FYCO1: variants seen among roughly 807,000 people sequenced by gnomAD.
FYCO1 encodes FYVE and coiled-coil domain-containing protein 1.
A neutral mutation model predicts 165.1 loss-of-function variants in FYCO1; 122 were observed. The ratio of observed to expected loss-of-function variants is 0.74; its 90% confidence interval spans 0.64 to 0.86. FYCO1 has a LOEUF of 0.86. Ranked by LOEUF, FYCO1 falls within the 40% of genes least tolerant of loss-of-function variation. The probability of loss-of-function intolerance (pLI) is 0.00; values close to 1 mark genes in which losing one functional copy is unlikely to be tolerated. For synonymous variants in FYCO1, 648 were observed against 742.5 expected (o/e 0.87, Z 2.07); for missense variants, 1,702 against 1,810.3 (o/e 0.94, Z 1.09).
At chr3:45,971,401 T>C (rs1305205742) in intron 6 of FYCO1, among the ~76,000 whole-genome samples, 2 of 152,134 alleles carry the variant, frequency 1.3e-5, no homozygotes, top group Non-Finnish European at 2.9e-5. Context: ...AAAAGGATAA[T>C]AATGTAATTT....
Position 45,985,017 on chromosome 3 carries a change from T to C in FYCO1, c.-107A>G. 9.8e-7 allele frequency: 1 copy of C among 1,024,976 alleles called. No homozygotes were observed. Among genetic ancestry groups the C allele is most frequent in the Non-Finnish European group, 1.6e-6 (1 of 643,808 alleles). 63.5% of individuals were successfully genotyped at this position (1,024,976 alleles called of 1,614,324 possible). Reference sequence around the variant, plus strand: ...GCTCAGCAGTGGTCAGACTCCATGGTGGCACCTGCACAGAGGAAGGGGAGG... The same window carrying C: ...GCTCAGCAGTGGTCAGACTCCATGGCGGCACCTGCACAGAGGAAGGGGAGG... On this transcript the variant is annotated 5_prime_UTR_variant, in exon 2 of 18. Transcript: ENST00000296137.
intron 1 of FYCO1, among the ~76,000 whole-genome samples, chr3:45,987,962 G>C (rs1707384524): frequency 6.6e-6 from 1 of 152,226 alleles, no homozygotes; most frequent in Non-Finnish European, 1.5e-5. Context: ...CACTGCCCTT[G>C]TGTGAGCCCA....
intron 4 of FYCO1, among the ~76,000 whole-genome samples, chr3:45,976,365 C>T (rs534015382): frequency 4.9e-4 from 75 of 152,280 alleles, no homozygotes; most frequent in Admixed American, 2.3e-3. Context: ...CATATAATGG[C>T]CAAGGCGGAT....
At chr3:45,979,675 A>G (rs1483042745) in intron 4 of FYCO1, 30 bp downstream of exon 4, 3 of 1,612,916 alleles carry the variant, frequency 1.9e-6, no homozygotes, top group East Asian at 2.2e-5. Flanking sequence ...AAAGGACGAC[A>G]TGAAGTTGTT....
chr3:45,965,233 C>T, intron 8 of FYCO1, 108 bp from the exon 9 acceptor site: 1 of 802,492 alleles, frequency 1.2e-6, no homozygotes, highest in South Asian at 1.5e-5. Flanking sequence ...TCTCTTTTTC[C>T]CTGCAAACTG....
chr3:45,975,308 C>T lies in FYCO1; in HGVS notation c.326G>A (p.Arg109His), dbSNP rs761031320. The stretch of plus-strand genomic sequence containing the variant: ...CAACCTCTGGTGCACCAAGGAGTAG[C>T]GAATAAATGCTCTTCCTTTCCCCAA... ...TSLGKGRAFI[R>H]YSLVHQRLAD... Residue 109 changes from arginine (R) to histidine (H), a missense_variant, in exon 5 of 18, where the codon CGC becomes CAC. By Grantham distance (29) the Arg-to-His change is conservative (BLOSUM62 0). Transcript: ENST00000296137. The T allele has an allele frequency of 2.5e-6, 4 of 1,614,128 alleles. No individual in the cohort carries two copies. Among genetic ancestry groups the T allele is most frequent in the East Asian group, 2.2e-5 (1 of 44,884 alleles).
intron 15 of FYCO1, among the ~76,000 whole-genome samples, chr3:45,933,240 G>C (rs947970738): frequency 6.6e-5 from 10 of 152,204 alleles, no homozygotes; most frequent in African/African-American, 2.4e-4. Context: ...GTTTACATGA[G>C]TCAAGGGGTA....
intron 4 of FYCO1, among the ~76,000 whole-genome samples, chr3:45,978,919 C>T (rs372467296): frequency 6.7e-6 from 1 of 149,574 alleles, no homozygotes; most frequent in Non-Finnish European, 1.5e-5. Context: ...TGCAGTGGCG[C>T]GATCTCGGCT....
At position 45,968,318 on chromosome 3, in the gene FYCO1, C is replaced by T. The variant is rs114145679; in HGVS notation, c.1016G>A (p.Arg339Gln). The T allele has an allele frequency of 6.4e-4, 1,037 of 1,613,848 alleles. 15 individuals carry two copies. In the African/African-American group the frequency reaches 0.012, roughly 19 times the overall value. ...KEEDYHTALR[R>Q]LESMLQPLAQ... ...CAAGGGCTGCAGCATGGACTCCAGC[C>T]GCCGCAGGGCTGTGTGGTAGTCCTC... is the stretch of plus-strand genomic sequence containing the variant. Residue 339 changes from arginine (R) to glutamine (Q), a missense_variant, in exon 8 of 18, where the codon CGG (arginine) becomes CAG (glutamine). Arg to Gln is a conservative substitution (Grantham distance 43). Coordinates refer to ENST00000296137, the MANE Select transcript of FYCO1 (RefSeq NM_024513.4).
In FYCO1 at chr3:45,962,460, C is replaced by T. The variant is rs1312341350; in HGVS notation, c.3270-68G>A. On this transcript the variant is annotated intron_variant, in intron 10 of 17. Coordinates refer to ENST00000296137, the MANE Select transcript of FYCO1 (RefSeq NM_024513.4). The surrounding 1 kb of genome is among the most constrained non-coding windows in gnomAD (Gnocchi z 4.4). The stretch of plus-strand genomic sequence containing the variant: ...CAGCTTTCCCAGGGCTCTAAGCTCA[C>T]CCAGGACTCTAATGAGGGGTGCTAC... 3 of 1,447,314 alleles carry T rather than the reference C, an allele frequency of 2.1e-6. No individual in the cohort carries two copies. In the African/African-American group the frequency reaches 4.2e-5, roughly 20 times the overall value. 89.7% of individuals were successfully genotyped at this position (1,447,314 alleles called of 1,614,324 possible).
rs1434558857 is a variant in FYCO1 at position 45,967,284 on chromosome 3, C to T, written c.2050G>A (p.Val684Ile). The change falls in exon 8 of 18, where the codon GTA (valine) becomes ATA (isoleucine). Residue 684 changes from valine to isoleucine, a missense_variant. Transcript: ENST00000296137. ...GDQMEASLLA[V>I]RKAKEAMKAQ... ...TTCATGGCCTCCTTGGCCTTCCTTA[C>T]AGCCAGCAAGCTCGCCTCCATCTGG... 4 of 1,614,000 alleles carry T rather than the reference C, an allele frequency of 2.5e-6. No individual in the cohort carries two copies. Among genetic ancestry groups the T allele is most frequent in the East Asian group, 2.2e-5 (1 of 44,886 alleles).
chr3:45,966,662 T>C lies in FYCO1; in HGVS notation c.2672A>G (p.His891Arg), dbSNP rs754392183. ...KCSSEEAQLE[H>R]AELQEQLHRA... Reference sequence around the variant, plus strand: ...GTGCAGCTGCTCTTGCAGCTCAGCGTGCTCCAGCTGTGCTTCCTCGGAGCT... The same window carrying C: ...GTGCAGCTGCTCTTGCAGCTCAGCGCGCTCCAGCTGTGCTTCCTCGGAGCT... The change falls in exon 8 of 18, where the codon CAC becomes CGC. Residue 891 changes from histidine (H) to arginine (R), a missense_variant. His to Arg is a conservative substitution (Grantham distance 29). Coordinates refer to ENST00000296137, the MANE Select transcript of FYCO1 (RefSeq NM_024513.4). 2 of 1,614,136 alleles carry C rather than the reference T, an allele frequency of 1.2e-6. No individual in the cohort carries two copies. The highest frequency in any genetic ancestry group is 1.7e-6 in the Non-Finnish European group (2 of 1,180,028).
intron 1 of FYCO1, among the ~76,000 whole-genome samples, chr3:45,986,074 G>A (rs143142230): frequency 6.6e-5 from 10 of 152,282 alleles, no homozygotes; most frequent in East Asian, 5.8e-4. Context: ...AGATAACATC[G>A]TCCCTGTTTA....
At position 45,966,571 on chromosome 3, in the gene FYCO1, T is replaced by C; in HGVS notation, c.2763A>G (p.Arg921=). 1 of 1,614,194 alleles carries C rather than the reference T, an allele frequency of 6.2e-7. No homozygotes were observed. The highest frequency in any genetic ancestry group is 1.7e-5 in the Admixed American group (1 of 60,032). Residue 921 remains arginine, a synonymous_variant, in exon 8 of 18, where the codon CGA becomes CGG. Coordinates refer to ENST00000296137, the MANE Select transcript of FYCO1 (RefSeq NM_024513.4). ...CAGCACAGGCCAGTGCCTCCTCCAC[T>C]CGCTCCTTTTCCACGGTCAGTGCGC... ...QVCALTVEKE[R]VEEALACAVQ... is the part of the protein sequence containing the mutation.
At chr3:45,960,186 G>T (rs1228768373) in intron 11 of FYCO1, among the ~76,000 whole-genome samples, 1 of 152,140 alleles carries the variant, frequency 6.6e-6, no homozygotes, top group Non-Finnish European at 1.5e-5. Context: ...GCTTCCTCAG[G>T]GATACTAATG....
At chr3:45,941,734 T>C (rs1704238845) in intron 14 of FYCO1, among the ~76,000 whole-genome samples, 2 of 152,210 alleles carry the variant, frequency 1.3e-5, no homozygotes, top group Non-Finnish European at 2.9e-5. Context: ...TGGCTTGTTT[T>C]TCCCCATGGA....
At chr3:45,946,772 T>C (rs758042890) in intron 14 of FYCO1, 3 of 1,614,096 alleles carry the variant, frequency 1.9e-6, no homozygotes, top group Non-Finnish European at 2.5e-6. Context: ...AATGGGTGTT[T>C]GGCCAGGTCA....
chr3:45,984,295 T>C (rs1707208404), intron 2 of FYCO1, among the ~76,000 whole-genome samples: 1 of 152,196 alleles, frequency 6.6e-6, no homozygotes, highest in African/African-American at 2.4e-5. Context: ...CTGCCTTGCT[T>C]TTCTCCAGTG....
At chr3:45,952,835 T>C (rs557386414) in intron 14 of FYCO1, among the ~76,000 whole-genome samples, 3 of 152,244 alleles carry the variant, frequency 2.0e-5, no homozygotes, top group African/African-American at 7.2e-5. Flanking sequence ...TTACCACCTA[T>C]CATCTACCCA....
Sources: gnomAD v4.1 joint callset for allele counts (sites outside exome capture counted in the v4.1 genomes callset) on GRCh38, gnomAD v4.1.1 for gene constraint, Gnocchi (gnomAD v3.1) non-coding constraint, MANE v1.5 for transcripts, NCBI Gene and HGNC (gene_info 2026-07-23, HGNC 2026-07-21) for gene names.